The following ZBTB20 variants were observed in gnomAD, a reference collection of about 807,000 sequenced individuals.
ZBTB20 encodes zinc finger and BTB domain-containing protein 20.
ZBTB20 carries 9 observed loss-of-function variants against 56.9 expected under a neutral mutation model. The observed-to-expected ratio is 0.16, with a 90% CI of 0.10 to 0.28. ZBTB20 has a LOEUF of 0.28. Among genes scored for constraint, ZBTB20 ranks in the 10% least tolerant of loss-of-function variants. The pLI is 1.00. For synonymous variants in ZBTB20, 417 were observed against 420.7 expected (o/e 0.99, Z 0.11); for missense variants, 655 against 1,003.0 (o/e 0.65, Z 4.69).
chr3:114,713,809 C>T (rs377072039), intron 5 of ZBTB20, among the ~76,000 whole-genome samples: 2 of 152,174 alleles, frequency 1.3e-5, no homozygotes, highest in African/African-American at 2.4e-5. Flanking sequence ...ATAATATACA[C>T]GAAACAGTGA....
chr3:114,851,224 G>C (rs2074985087), intron 4 of ZBTB20, among the ~76,000 whole-genome samples: 1 of 152,116 alleles, frequency 6.6e-6, no homozygotes, highest in South Asian at 2.1e-4. Flanking sequence ...AATGCTAATG[G>C]AAAAAAGTTG....
rs1290334750 is a variant in ZBTB20, at chr3:114,723,509, A to G, written c.-342-29934T>C. The stretch of plus-strand genomic sequence containing the variant: ...TATGATATCACCAAATTCTTTAACA[A>G]GTATGAGTTGGATCACTGATTCTCA... On this transcript the variant is annotated intron_variant, in intron 5 of 11. Coordinates refer to ENST00000675478, the MANE Select transcript of ZBTB20 (RefSeq NM_001348800.3). Among the ~76,000 whole-genome samples, 4 of 152,202 alleles carry G rather than the reference A, an allele frequency of 2.6e-5. No homozygotes were observed. In the East Asian group the frequency reaches 7.7e-4, roughly 29 times the overall value.
At chr3:114,876,121 G>GT (rs35016029) in intron 4 of ZBTB20, among the ~76,000 whole-genome samples, 1,725 of 139,326 alleles carry the variant, frequency 0.012, 31 homozygotes, top group Admixed American at 0.07. Context: ...CCTGTAGTTT[G>GT]TTTTTTTTTT....
intron 6 of ZBTB20, among the ~76,000 whole-genome samples, chr3:114,570,498 C>T (rs1384525668): frequency 6.6e-6 from 1 of 151,772 alleles, no homozygotes. Flanking sequence ...ATTACTCTAA[C>T]AGACATGAAA....
chr3:114,682,457 T>G (rs1222218780), intron 6 of ZBTB20, among the ~76,000 whole-genome samples: 1 of 152,174 alleles, frequency 6.6e-6, no homozygotes, highest in Non-Finnish European at 1.5e-5. Context: ...TCAGTAGAAA[T>G]GTGTGAGATT....
At chr3:114,419,678 C>T (rs1294613705) in intron 7 of ZBTB20, among the ~76,000 whole-genome samples, 3 of 152,042 alleles carry the variant, frequency 2.0e-5, no homozygotes, top group Admixed American at 2.0e-4. Context: ...TAGTCTCACA[C>T]TTAGCATATA....
chr3:114,848,318 G>A (rs1169299100), intron 4 of ZBTB20, among the ~76,000 whole-genome samples: 1 of 152,164 alleles, frequency 6.6e-6, no homozygotes, highest in Non-Finnish European at 1.5e-5. Flanking sequence ...GGAAGAGGCT[G>A]CCAACAAACA....
At chr3:114,817,809 C>T (rs1331659818) in intron 4 of ZBTB20, among the ~76,000 whole-genome samples, 3 of 151,996 alleles carry the variant, frequency 2.0e-5, no homozygotes, top group East Asian at 1.9e-4. Context: ...TTCATGCACA[C>T]TATGTAAAAG....
chr3:114,667,842 A>C (rs769520965), intron 6 of ZBTB20, among the ~76,000 whole-genome samples: 2 of 151,966 alleles, frequency 1.3e-5, no homozygotes, highest in Non-Finnish European at 2.9e-5. Flanking sequence ...TATTAATGAG[A>C]GGTAGCATTA....
chr3:114,469,810 A>C (rs1481057850), intron 7 of ZBTB20, among the ~76,000 whole-genome samples: 1 of 152,160 alleles, frequency 6.6e-6, no homozygotes, highest in Non-Finnish European at 1.5e-5. Context: ...ATTGCCTCAA[A>C]TCACTAACTG....
chr3:114,531,595 C>A (rs763906534), intron 6 of ZBTB20, among the ~76,000 whole-genome samples: 1 of 152,142 alleles, frequency 6.6e-6, no homozygotes, highest in Non-Finnish European at 1.5e-5. Context: ...AAAATAGAAT[C>A]AATGGAAAGA....
At chr3:114,778,834 T>C (rs1174739048) in intron 5 of ZBTB20, among the ~76,000 whole-genome samples, 1 of 152,200 alleles carries the variant, frequency 6.6e-6, no homozygotes, top group Non-Finnish European at 1.5e-5. Flanking sequence ...AGAGTATTCA[T>C]TTGGCAGTAG....
intron 2 of ZBTB20, among the ~76,000 whole-genome samples, chr3:115,033,246 G>A (rs1332194977): frequency 6.6e-6 from 1 of 151,310 alleles, no homozygotes; most frequent in Non-Finnish European, 1.5e-5. Flanking sequence ...CTAGGCCAAC[G>A]AATTGGATAA....
At chr3:114,502,131 C>G (rs748483602) in intron 6 of ZBTB20, among the ~76,000 whole-genome samples, 16 of 152,276 alleles carry the variant, frequency 1.1e-4, no homozygotes. Flanking sequence ...CTCTAGCCCA[C>G]TTAAATATAT....
chr3:114,742,367 A>G lies in ZBTB20; in HGVS notation c.-342-48792T>C, dbSNP rs557310712. Among the ~76,000 whole-genome samples the G allele has an allele frequency of 2.0e-4, 31 of 152,302 alleles. 1 individual carries two copies. The South Asian group carries it at 6.0e-3, about 30-fold the overall frequency. ...TGGATATGGTGACAGACAAGTATCT[A>G]TACGAAATCCTGAGATATTTGTCCT... On this transcript the variant is annotated intron_variant, in intron 5 of 11. Transcript: ENST00000675478.
chr3:114,946,085 T>C (rs1253172727), intron 3 of ZBTB20, among the ~76,000 whole-genome samples: 1 of 145,560 alleles, frequency 6.9e-6, no homozygotes, highest in Non-Finnish European at 1.5e-5. Context: ...TTGACATATT[T>C]CTCTCAGTAA....
chr3:114,440,493 C>T (rs921773380), intron 7 of ZBTB20, among the ~76,000 whole-genome samples: 1 of 152,086 alleles, frequency 6.6e-6, no homozygotes, highest in Non-Finnish European at 1.5e-5. Flanking sequence ...TTCCCTCTTA[C>T]TTTCTTCTTC....
At chr3:114,538,032 G>C (rs2048685856) in intron 6 of ZBTB20, among the ~76,000 whole-genome samples, 1 of 152,060 alleles carries the variant, frequency 6.6e-6, no homozygotes, top group African/African-American at 2.4e-5. Flanking sequence ...ACCTAATGTA[G>C]ATGACAGGTT....
intron 1 of ZBTB20, among the ~76,000 whole-genome samples, chr3:115,135,209 T>C (rs1440366757): frequency 6.6e-6 from 1 of 152,168 alleles, no homozygotes; most frequent in East Asian, 1.9e-4. Flanking sequence ...TGACAGTTGT[T>C]TATAGGTCAC....
Sources: gnomAD v4.1 joint callset for allele counts (sites outside exome capture counted in the v4.1 genomes callset) on GRCh38, gnomAD v4.1.1 for gene constraint, MANE v1.5 for transcripts, NCBI Gene and HGNC (gene_info 2026-07-23, HGNC 2026-07-21) for gene names.